DYM: variants seen among roughly 807,000 people sequenced by gnomAD.
The protein encoded by DYM is dymeclin, also known as dyggve-Melchior-Clausen syndrome protein.
A neutral mutation model predicts 93.1 loss-of-function variants in DYM; 78 were observed. The ratio of observed to expected loss-of-function variants is 0.84; its 90% CI spans 0.70 to 1.01. The LOEUF (loss-of-function observed/expected upper bound fraction) is 1.01, where lower values mean the gene tolerates loss of function less well. Ranked by LOEUF, DYM falls within the 50% of genes least tolerant of loss-of-function variation. The pLI is 0.00. For missense variants in DYM, 789 were observed against 845.0 expected (o/e 0.93, Z 0.82); for synonymous variants, 321 against 319.7 (o/e 1.00, Z -0.04).
chr18:49,179,929 C>T (rs1162086487), intron 14 of DYM, among the ~76,000 whole-genome samples: 1 of 152,030 alleles, frequency 6.6e-6, no homozygotes, highest in African/African-American at 2.4e-5. Context: ...AAAGTTTATA[C>T]TAAAGTGGAG....
At chr18:49,243,749 C>A (rs1315983275) in intron 13 of DYM, among the ~76,000 whole-genome samples, 1 of 151,442 alleles carries the variant, frequency 6.6e-6, no homozygotes, top group African/African-American at 2.4e-5. Context: ...TACTTAGAAT[C>A]TCAGTGATTC....
intron 15 of DYM, among the ~76,000 whole-genome samples, chr18:49,159,573 A>C (rs1038194438): frequency 1.3e-5 from 2 of 152,198 alleles, no homozygotes; most frequent in Admixed American, 6.5e-5. Flanking sequence ...TACTCTTTAG[A>C]AAGTTACAGT....
intron 13 of DYM, among the ~76,000 whole-genome samples, chr18:49,217,492 G>A (rs1479011301): frequency 6.6e-6 from 1 of 152,124 alleles, no homozygotes; most frequent in Non-Finnish European, 1.5e-5. Flanking sequence ...AAATGTTAAG[G>A]GCAGCCAGAG....
At chr18:49,410,402 C>T (rs2072098548) in intron 2 of DYM, among the ~76,000 whole-genome samples, 1 of 151,574 alleles carries the variant, frequency 6.6e-6, no homozygotes, top group Admixed American at 6.6e-5. Context: ...TGGACACTGC[C>T]AGGCCATGGT....
intron 8 of DYM, among the ~76,000 whole-genome samples, chr18:49,327,631 A>G (rs1250466234): frequency 1.3e-5 from 2 of 152,166 alleles, no homozygotes; most frequent in South Asian, 4.1e-4. Context: ...CACTGGGATT[A>G]CGGACATGAG....
chr18:49,330,533 A>ACCCATATGGTT (rs2063232743), intron 8 of DYM, among the ~76,000 whole-genome samples: 1 of 152,136 alleles, frequency 6.6e-6, no homozygotes, highest in Non-Finnish European at 1.5e-5. Flanking sequence ...CTGAAAGAAA[A>ACCCATATGGTT]CCCAAAAACC....
At chr18:49,273,371 T>C (rs1316170205) in intron 10 of DYM, among the ~76,000 whole-genome samples, 1 of 152,204 alleles carries the variant, frequency 6.6e-6, no homozygotes, top group Non-Finnish European at 1.5e-5. Flanking sequence ...TCAAACATAA[T>C]ACATTGTACT....
At chr18:49,202,626 G>A (rs898089203) in intron 14 of DYM, among the ~76,000 whole-genome samples, 1 of 118,662 alleles carries the variant, frequency 8.4e-6, no homozygotes, top group East Asian at 2.7e-4. Flanking sequence ...TGAGATGTGG[G>A]GAGCGCCTCT....
chr18:49,421,900 T>G (rs1041463982), intron 2 of DYM, among the ~76,000 whole-genome samples: 2 of 152,126 alleles, frequency 1.3e-5, no homozygotes, highest in Non-Finnish European at 1.5e-5. Context: ...AAAGAAAGGG[T>G]ATCAGTGATT....
chr18:49,073,209 C>T (rs763128764), intron 17 of DYM, among the ~76,000 whole-genome samples: 5 of 152,182 alleles, frequency 3.3e-5, no homozygotes, highest in Admixed American at 1.3e-4. Flanking sequence ...ACATTTTAAA[C>T]TTGAAATGAG....
chr18:49,421,685 A>G (rs1447276257), intron 2 of DYM, among the ~76,000 whole-genome samples: 5 of 152,264 alleles, frequency 3.3e-5, no homozygotes, highest in Non-Finnish European at 7.3e-5. Context: ...GCTTCAGAAG[A>G]TCGGTAATAA....
At chr18:49,320,831 A>T (rs945173002) in intron 8 of DYM, among the ~76,000 whole-genome samples, 8 of 152,172 alleles carry the variant, frequency 5.3e-5, no homozygotes, top group African/African-American at 1.9e-4. Flanking sequence ...TTCGAAAAAA[A>T]TATTTATGTA....
chr18:49,369,624 T>G (rs79982892), intron 5 of DYM, among the ~76,000 whole-genome samples: 1 of 152,172 alleles, frequency 6.6e-6, no homozygotes, highest in African/African-American at 2.4e-5. Context: ...TTCTTCAATC[T>G]AATAAATTCA....
At chr18:49,321,715 CTATATTT>C (rs1382908116) in intron 8 of DYM, among the ~76,000 whole-genome samples, 1 of 151,786 alleles carries the variant, frequency 6.6e-6, no homozygotes, top group Non-Finnish European at 1.5e-5. Context: ...CAGAAATTAA[CTATATTT>C]TATAAGTCAC....
intron 8 of DYM, chr18:49,321,181 C>A: frequency 2.6e-6 from 1 of 389,476 alleles, no homozygotes; most frequent in Non-Finnish European, 4.5e-6. Context: ...TTAAATTCTA[C>A]AATTTACAAC....
intron 17 of DYM, among the ~76,000 whole-genome samples, chr18:49,056,547 T>C (rs1020758083): frequency 2.0e-5 from 3 of 152,182 alleles, no homozygotes; most frequent in African/African-American, 7.2e-5. Context: ...TATTTTATTA[T>C]TATTTTTAAA....
intron 8 of DYM, among the ~76,000 whole-genome samples, chr18:49,309,864 G>A (rs552799126): frequency 9.9e-5 from 15 of 152,270 alleles, no homozygotes; most frequent in African/African-American, 3.4e-4. Flanking sequence ...AAGTGCTAAT[G>A]TAACTTGAAC....
At chr18:49,219,943 A>G (rs1327745369) in intron 13 of DYM, among the ~76,000 whole-genome samples, 2 of 148,436 alleles carry the variant, frequency 1.3e-5, no homozygotes, top group Non-Finnish European at 3.0e-5. Flanking sequence ...GTATTCAATT[A>G]GAAAAAGAGG....
At chr18:49,349,901 G>C (rs1299577423) in intron 6 of DYM, among the ~76,000 whole-genome samples, 1 of 152,142 alleles carries the variant, frequency 6.6e-6, no homozygotes, top group Non-Finnish European at 1.5e-5. Context: ...AGCTTGCAGT[G>C]AGCCGTGATC....
Sources: allele counts gnomAD v4.1 joint callset (sites outside exome capture counted in the v4.1 genomes callset), GRCh38; gene constraint gnomAD v4.1.1; transcripts MANE v1.5; gene names NCBI Gene and HGNC (gene_info 2026-07-23, HGNC 2026-07-21).